Variants in GRIA1 observed in about 807,000 individuals in gnomAD.
GRIA1 encodes the protein glutamate ionotropic receptor AMPA type subunit 1.
In GRIA1, 31 loss-of-function variants were observed where a neutral mutation model predicts 99.2. That is an observed-to-expected ratio of 0.31 (90% CI 0.23 to 0.42). The LOEUF is 0.42. Ranked by LOEUF, GRIA1 falls within the 10% of genes least tolerant of loss-of-function variation. GRIA1 has a pLI of 1.00. For missense variants in GRIA1, 782 were observed against 1,157.5 expected (o/e 0.68, Z 4.71); for synonymous variants, 438 against 432.4 (o/e 1.01, Z -0.16).
chr5:153,602,294 A>G (rs1003636879), intron 2 of GRIA1, among the ~76,000 whole-genome samples: 3 of 150,946 alleles, frequency 2.0e-5, no homozygotes, highest in African/African-American at 7.3e-5. Context: ...AAAACCAAAC[A>G]CTGCATGTTC....
chr5:153,796,424 G>A (rs1037022172), intron 14 of GRIA1, among the ~76,000 whole-genome samples: 9 of 152,090 alleles, frequency 5.9e-5, no homozygotes, highest in African/African-American at 1.9e-4. Context: ...GCAAAAAAAA[G>A]AAGGCAACCA....
At chr5:153,613,492 T>A (rs1192023714) in intron 2 of GRIA1, among the ~76,000 whole-genome samples, 1 of 152,218 alleles carries the variant, frequency 6.6e-6, no homozygotes, top group Non-Finnish European at 1.5e-5. Context: ...CTGAGTTGAA[T>A]ATTCAACATT....
At chr5:153,552,264 A>C (rs1034858750) in intron 2 of GRIA1, among the ~76,000 whole-genome samples, 6 of 150,468 alleles carry the variant, frequency 4.0e-5, no homozygotes, top group African/African-American at 1.2e-4. Context: ...AAAAAAGAAG[A>C]AGGTTTGGCA....
chr5:153,677,638 A>G (rs1234622812), intron 7 of GRIA1, among the ~76,000 whole-genome samples: 1 of 152,210 alleles, frequency 6.6e-6, no homozygotes, highest in Non-Finnish European at 1.5e-5. Flanking sequence ...TTCATCAATT[A>G]TGTTTGCACT....
intron 7 of GRIA1, among the ~76,000 whole-genome samples, chr5:153,683,885 TG>T (rs1417246063): frequency 6.6e-6 from 1 of 152,180 alleles, no homozygotes; most frequent in Non-Finnish European, 1.5e-5. Flanking sequence ...AAGGAACCTA[TG>T]GTCATACAGT....
At chr5:153,636,855 G>T (rs1342496773) in intron 2 of GRIA1, among the ~76,000 whole-genome samples, 1 of 152,216 alleles carries the variant, frequency 6.6e-6, no homozygotes, top group African/African-American at 2.4e-5. Flanking sequence ...ATTATCCAAA[G>T]AATGAAAGCT....
intron 15 of GRIA1, among the ~76,000 whole-genome samples, chr5:153,809,259 G>T (rs1475908770): frequency 1.3e-5 from 2 of 152,130 alleles, no homozygotes; most frequent in African/African-American, 4.8e-5. Flanking sequence ...CCCTGGTGTA[G>T]CTTCAAGGTA....
At chr5:153,723,907 G>T (rs1760288227) in intron 11 of GRIA1, among the ~76,000 whole-genome samples, 2 of 152,204 alleles carry the variant, frequency 1.3e-5, no homozygotes, top group Non-Finnish European at 2.9e-5. Flanking sequence ...CTCCCATCAT[G>T]CAGCTGGAGA....
At chr5:153,592,974 T>C (rs994569959) in intron 2 of GRIA1, among the ~76,000 whole-genome samples, 2 of 152,124 alleles carry the variant, frequency 1.3e-5, no homozygotes, top group African/African-American at 4.8e-5. Context: ...CTCTTCTAAA[T>C]CTGATTAACT....
Position 153,650,503 on chromosome 5 carries a change from A to C in GRIA1, c.634A>C (p.Ile212Leu), listed in dbSNP as rs761825277. 6.2e-7 allele frequency: 1 copy of C among 1,613,650 alleles called. No homozygotes were observed. Residue 212 changes from isoleucine (I) to leucine (L), a missense_variant, in exon 4 of 16, where the codon ATC (isoleucine) becomes CTC (leucine). Ile to Leu is a conservative substitution (Grantham distance 5). This residue lies in a region of GRIA1 where 461 missense variants were observed against 521.7 expected (regional missense o/e 0.88). Transcript: ENST00000285900. ...VDCESERLNA[I>L]LGQIIKLEKN... is the part of the protein sequence containing the mutation. Reference sequence around the variant, plus strand: ...CTGTGAATCAGAACGCCTCAATGCTATCTTGGGCCAGGTAGTGAAAGCAGC... The same window carrying C: ...CTGTGAATCAGAACGCCTCAATGCTCTCTTGGGCCAGGTAGTGAAAGCAGC...
chr5:153,530,499 G>A (rs1735758366), intron 2 of GRIA1, among the ~76,000 whole-genome samples: 1 of 152,194 alleles, frequency 6.6e-6, no homozygotes, highest in Non-Finnish European at 1.5e-5. Context: ...TTATGAAAAT[G>A]AGAAGCAGCT....
intron 2 of GRIA1, among the ~76,000 whole-genome samples, chr5:153,530,903 T>C (rs1758039669): frequency 6.6e-6 from 1 of 152,258 alleles, no homozygotes; most frequent in African/African-American, 2.4e-5. Context: ...GAGCTGGCTA[T>C]GCAGTGACAG....
chr5:153,615,758 G>A lies in GRIA1; in HGVS notation c.221-31170G>A, dbSNP rs57879847. ...CATATATTAGGTCATCTTTATACTCGTAACAACTTTAAGATGATGGTACCC... is the reference window on the plus strand; with the variant it reads ...CATATATTAGGTCATCTTTATACTCATAACAACTTTAAGATGATGGTACCC... On this transcript the variant is annotated intron_variant, in intron 2 of 15. Coordinates refer to ENST00000285900, the MANE Select transcript of GRIA1 (RefSeq NM_000827.4). Among the ~76,000 whole-genome samples the A allele has an allele frequency of 5.6e-3, 858 of 152,194 alleles. 7 individuals are homozygous for A. The highest frequency in any genetic ancestry group is 0.02 in the African/African-American group (817 of 41,524).
chr5:153,535,774 GCCACAATCCA>G (rs796517901), intron 2 of GRIA1, among the ~76,000 whole-genome samples: 42 of 152,294 alleles, frequency 2.8e-4, no homozygotes, highest in African/African-American at 6.5e-4. Context: ...CAGTGGCAGT[GCCACAATCCA>G]CCTAATCACC....
intron 10 of GRIA1, among the ~76,000 whole-genome samples, chr5:153,701,480 A>G (rs1440039707): frequency 1.3e-5 from 2 of 151,726 alleles, no homozygotes; most frequent in African/African-American, 4.8e-5. Context: ...CGGGCATGGT[A>G]GTGGGCGCCT....
intron 5 of GRIA1, among the ~76,000 whole-genome samples, chr5:153,661,503 A>C (rs1755368085): frequency 6.6e-6 from 1 of 152,128 alleles, no homozygotes; most frequent in Admixed American, 6.5e-5. Context: ...TTTTTCACTT[A>C]CTATACTTGA....
At chr5:153,667,159 A>G (rs1755807418) in intron 5 of GRIA1, among the ~76,000 whole-genome samples, 1 of 152,172 alleles carries the variant, frequency 6.6e-6, no homozygotes, top group Admixed American at 6.5e-5. Context: ...TTTTTCTCTC[A>G]ACTTACCTCC....
At chr5:153,670,085 T>A (rs1273941204) in intron 5 of GRIA1, among the ~76,000 whole-genome samples, 1 of 152,230 alleles carries the variant, frequency 6.6e-6, no homozygotes, top group Non-Finnish European at 1.5e-5. Context: ...GGTATTCTGA[T>A]ACGTCCCTCA....
intron 2 of GRIA1, among the ~76,000 whole-genome samples, chr5:153,495,951 T>C (rs1162368034): frequency 6.6e-6 from 1 of 152,258 alleles, no homozygotes; most frequent in Non-Finnish European, 1.5e-5. Context: ...TCATACTTTA[T>C]AGCTTTTGTA....
Sources: allele counts gnomAD v4.1 joint callset (sites outside exome capture counted in the v4.1 genomes callset), GRCh38; gene constraint gnomAD v4.1.1; regional missense constraint gnomAD v4.1.1; transcripts MANE v1.5; gene names NCBI Gene and HGNC (gene_info 2026-07-23, HGNC 2026-07-21).